The following TMPRSS4 variants were observed in gnomAD, a reference collection of about 807,000 sequenced individuals.
TMPRSS4 encodes transmembrane serine protease 4, also known as transmembrane protease serine 4.
In TMPRSS4, 45 loss-of-function variants were observed where a neutral mutation model predicts 56.4. The ratio of observed to expected loss-of-function variants is 0.80; its 90% CI spans 0.63 to 1.02. TMPRSS4 has a LOEUF of 1.02. Ranked by LOEUF, TMPRSS4 falls within the 50% of genes least tolerant of loss-of-function variation. The probability of loss-of-function intolerance (pLI) is 0.00; values close to 1 mark genes in which losing one functional copy is unlikely to be tolerated. For missense variants in TMPRSS4, 546 were observed against 556.7 expected (o/e 0.98, Z 0.19); for synonymous variants, 205 against 211.0 (o/e 0.97, Z 0.25).
intron 1 of TMPRSS4, among the ~76,000 whole-genome samples, chr11:118,083,600 A>T (rs909895933): frequency 6.6e-6 from 1 of 152,188 alleles, no homozygotes; most frequent in Non-Finnish European, 1.5e-5. Context: ...CCCAAGTTCT[A>T]TTTTAATATT....
chr11:118,123,474 C>T (rs527333645), downstream of TMPRSS4, among the ~76,000 whole-genome samples: 15 of 152,328 alleles, frequency 9.8e-5, no homozygotes, highest in Non-Finnish European at 2.1e-4. Flanking sequence ...CATTCCACCA[C>T]AGGACATTCC....
rs777803497 is a variant in TMPRSS4 at position 118,118,734 on chromosome 11, C to A, written c.*821C>A. 261 of 985,554 alleles carry A rather than the reference C, an allele frequency of 2.6e-4. No individual in the cohort carries two copies. Among genetic ancestry groups the A allele is most frequent in the Non-Finnish European group, 3.0e-4 (253 of 830,088 alleles). The allele number at this position is 985,554 out of a possible 1,614,324, so 61.1% of individuals were successfully genotyped here. A position where few individuals can be genotyped will look rare whatever the true frequency, so the allele number is the denominator to read the frequency against. On this transcript the variant is annotated 3_prime_UTR_variant, in exon 13 of 13. Coordinates refer to ENST00000437212, the MANE Select transcript of TMPRSS4 (RefSeq NM_019894.4). ...ATAATCAGCCAGGAGCCAGGGATAA[C>A]CTATGACTTGGGAAAGAGATGAGTT...
chr11:118,094,819 C>T lies in TMPRSS4; in HGVS notation c.7C>T (p.Gln3Ter). ...TCACTGACTGTTTTTCCTTCAATTA[C>T]AGGATCCTGACAGTGATCAACCTCT... The part of the protein sequence containing the change: ML[Q>*]DPDSDQPLNS... The change falls in exon 2 of 13, where the codon CAG becomes TAG. Residue 3 changes from glutamine (Q) to a stop codon, truncating the protein, a stop_gained. Coordinates refer to ENST00000437212, the MANE Select transcript of TMPRSS4 (RefSeq NM_019894.4). LOFTEE classifies it high-confidence loss of function. 6.2e-7 allele frequency: 1 copy of T among 1,611,822 alleles called. No individual in the cohort carries two copies. Among genetic ancestry groups the T allele is most frequent in the Non-Finnish European group, 8.5e-7 (1 of 1,179,122 alleles).
chr11:118,114,826 C>A lies in TMPRSS4; in HGVS notation c.911-3C>A. ...TCTCCTTCTTCCTCTGTGCTCCTGG[C>A]AGGCACAGTCAGGCCCATCTGTCTG... On this transcript the variant is annotated splice_polypyrimidine_tract_variant and splice_region_variant and intron_variant, in intron 9 of 12. Coordinates refer to ENST00000437212, the MANE Select transcript of TMPRSS4 (RefSeq NM_019894.4). The A allele has an allele frequency of 1.2e-6, 2 of 1,601,810 alleles. No individual in the cohort carries two copies. The highest frequency in any genetic ancestry group is 1.7e-6 in the Non-Finnish European group (2 of 1,174,044).
rs1192976976 is a variant in TMPRSS4, at chr11:118,099,033, A to C, written c.92A>C (p.Lys31Thr). ...CGTATCCCCATGGAGACCTTCAGAA[A>C]GGTGGGGATCCCCATCATCATAGCA... ...KPRIPMETFR[K>T]VGIPIIIALL... Residue 31 changes from lysine (K) to threonine (T), a missense_variant, in exon 3 of 13, where the codon AAG becomes ACG. Physicochemically the swap from Lys to Thr is moderately conservative, Grantham distance 78. Transcript: ENST00000437212. 6.2e-7 allele frequency: 1 copy of C among 1,613,954 alleles called. No homozygotes were observed. Among genetic ancestry groups the C allele is most frequent in the Non-Finnish European group, 8.5e-7 (1 of 1,179,926 alleles).
chr11:118,087,942 G>A (rs182882433), intron 1 of TMPRSS4, among the ~76,000 whole-genome samples: 17 of 152,328 alleles, frequency 1.1e-4, no homozygotes, highest in South Asian at 2.1e-4. Context: ...TCTCTTGACC[G>A]CATTCATGGA....
intron 1 of TMPRSS4, among the ~76,000 whole-genome samples, chr11:118,085,827 T>A (rs1236803642): frequency 6.6e-6 from 1 of 152,160 alleles, no homozygotes; most frequent in Non-Finnish European, 1.5e-5. Flanking sequence ...GGCACCTTCC[T>A]TCCTATCAGA....
At chr11:118,094,779 G>T (rs148199783) in intron 1 of TMPRSS4, 37 bp from the exon 2 acceptor site, 1 of 1,598,472 alleles carries the variant, frequency 6.3e-7, no homozygotes, top group Admixed American at 1.7e-5. Context: ...AGCCTGAGAG[G>T]CTCCCTGCCT....
intron 1 of TMPRSS4, among the ~76,000 whole-genome samples, chr11:118,084,872 G>A (rs1945422633): frequency 6.6e-6 from 1 of 152,202 alleles, no homozygotes; most frequent in Non-Finnish European, 1.5e-5. Flanking sequence ...AAGAGGCAGA[G>A]CTGGATTCAG....
At chr11:118,097,653 T>A (rs1352920220) in intron 2 of TMPRSS4, among the ~76,000 whole-genome samples, 1 of 152,214 alleles carries the variant, frequency 6.6e-6, no homozygotes, top group Non-Finnish European at 1.5e-5. Flanking sequence ...GATAACCATG[T>A]GCAATTGACA....
intron 2 of TMPRSS4, among the ~76,000 whole-genome samples, chr11:118,096,897 A>T (rs374693557): frequency 1.9e-5 from 1 of 51,764 alleles, no homozygotes; most frequent in African/African-American, 8.2e-5. Flanking sequence ...GAAAGAAAGA[A>T]AGAAAGAAAG....
intron 2 of TMPRSS4, 161 bp downstream of exon 2, chr11:118,095,016 T>TC: frequency 1.3e-6 from 1 of 757,126 alleles, no homozygotes. Flanking sequence ...CAGCAAACAT[T>TC]CCAGGATTCA....
At position 118,117,988 on chromosome 11, in the gene TMPRSS4, C is replaced by T. The variant is rs1002977917; in HGVS notation, c.*75C>T. Reference sequence around the variant, plus strand: ...CACCTGGGGATCCCCCAAAGTCAGACACAGAGCAAGAGTCCCCTTGGGTAC... The same window carrying T: ...CACCTGGGGATCCCCCAAAGTCAGATACAGAGCAAGAGTCCCCTTGGGTAC... On this transcript the variant is annotated 3_prime_UTR_variant, in exon 13 of 13. Transcript: ENST00000437212. 2.6e-5 allele frequency: 42 copies of T among 1,610,786 alleles called. No individual in the cohort carries two copies. The Admixed American group carries it at 2.7e-4, about 10-fold the overall frequency.
intron 1 of TMPRSS4, among the ~76,000 whole-genome samples, chr11:118,088,950 G>A (rs1287776333): frequency 6.6e-6 from 1 of 152,076 alleles, no homozygotes; most frequent in Non-Finnish European, 1.5e-5. Context: ...ATCATGGCGG[G>A]GACCCACCAT....
intron 1 of TMPRSS4, among the ~76,000 whole-genome samples, chr11:118,081,476 C>T (rs923903967): frequency 5.3e-5 from 8 of 152,258 alleles, no homozygotes; most frequent in Non-Finnish European, 1.2e-4. Flanking sequence ...CTCCCCTGCC[C>T]GTGGCCCCCA....
At chr11:118,087,783 G>A (rs1205305281) in intron 1 of TMPRSS4, 2 of 152,278 alleles carry the variant, frequency 1.3e-5, no homozygotes, top group East Asian at 3.8e-4. Context: ...AACAGTGGTA[G>A]GGGTGGGGAA....
At chr11:118,078,033 A>G (rs1255073814) in intron 1 of TMPRSS4, among the ~76,000 whole-genome samples, 2 of 97,662 alleles carry the variant, frequency 2.0e-5, no homozygotes, top group African/African-American at 8.0e-5. Context: ...AAAAAAAAAA[A>G]AAAAAAAAAA....
chr11:118,104,638 G>A (rs966612596), intron 4 of TMPRSS4, 53 bp from the exon 5 acceptor site: 5 of 1,612,970 alleles, frequency 3.1e-6, no homozygotes, highest in Non-Finnish European at 4.2e-6. Context: ...TTCTGAGGGG[G>A]ATGGGCCAGT....
At chr11:118,116,714 G>C (rs1947569499) in intron 11 of TMPRSS4, among the ~76,000 whole-genome samples, 1 of 87,348 alleles carries the variant, frequency 1.1e-5, no homozygotes, top group East Asian at 5.4e-4. Context: ...TGATAACCAG[G>C]CTTTTTTTTT....
Sources: allele counts gnomAD v4.1 joint callset (sites outside exome capture counted in the v4.1 genomes callset), GRCh38; gene constraint gnomAD v4.1.1; transcripts MANE v1.5; gene names NCBI Gene and HGNC (gene_info 2026-07-23, HGNC 2026-07-21).